MTAP: variants seen among roughly 807,000 people sequenced by gnomAD.
MTAP encodes the protein methylthioadenosine phosphorylase, also known as S-methyl-5'-thioadenosine phosphorylase.
Under a neutral mutation model 33.6 loss-of-function variants are expected in MTAP, and 33 were observed. That is an observed-to-expected ratio of 0.98 (90% CI 0.74 to 1.31). The LOEUF (loss-of-function observed/expected upper bound fraction) is 1.31. MTAP is among the 40% of genes most tolerant of loss of function. The pLI, the probability that MTAP is intolerant of heterozygous loss-of-function variation, is 0.00. For synonymous variants in MTAP, 148 were observed against 125.7 expected (o/e 1.18, Z -1.19); for missense variants, 367 against 360.0 (o/e 1.02, Z -0.16).
chr9:21,837,876 C>T (rs761172988), intron 4 of MTAP, 32 bp from the exon 5 acceptor site: 8 of 1,587,634 alleles, frequency 5.0e-6, no homozygotes, highest in Non-Finnish European at 6.0e-6. Context: ...TAAAATAAAA[C>T]AAACAAAAAC....
intron 1 of MTAP, among the ~76,000 whole-genome samples, chr9:21,896,187 G>A (rs1204603158): frequency 6.6e-6 from 1 of 152,136 alleles, no homozygotes; most frequent in Non-Finnish European, 1.5e-5. Context: ...AAGGAAGGCA[G>A]AAATAAAGAT....
intron 4 of MTAP, among the ~76,000 whole-genome samples, chr9:21,832,350 C>T (rs920809351): frequency 6.6e-6 from 1 of 152,196 alleles, no homozygotes; most frequent in Non-Finnish European, 1.5e-5. Context: ...CATTCTCTTT[C>T]TGCCTCTTGA....
chr9:21,856,280 T>G lies in MTAP; in HGVS notation c.690+1410T>G, dbSNP rs150038066. 7.1e-5 allele frequency: 43 copies of G among 608,644 alleles called. 1 individual carries two copies. The East Asian group carries it at 5.9e-3, about 84-fold the overall frequency. 37.7% of individuals were successfully genotyped at this position (608,644 alleles called of 1,614,324 possible). The stretch of plus-strand genomic sequence containing the variant: ...GTACCACCGTTTTAGAGAGTTTGTT[T>G]TACTATCTAATGTGTACAGTGTTTT... On this transcript the variant is annotated intron_variant, in intron 6 of 7. Coordinates refer to ENST00000644715, the MANE Select transcript of MTAP (RefSeq NM_002451.4).
At chr9:21,808,347 G>A (rs1281120994) in intron 1 of MTAP, among the ~76,000 whole-genome samples, 3 of 152,032 alleles carry the variant, frequency 2.0e-5, no homozygotes, top group Admixed American at 6.5e-5. Context: ...CACTTTGGGA[G>A]GCTGAGGTGG....
intron 1 of MTAP, chr9:21,930,734 G>A: frequency 3.0e-6 from 2 of 676,900 alleles, no homozygotes; most frequent in South Asian, 1.7e-5. Context: ...TGGCAGCACA[G>A]GGAGGAATTT....
chr9:21,821,124 C>G (rs1397336790), intron 4 of MTAP, among the ~76,000 whole-genome samples: 2 of 152,186 alleles, frequency 1.3e-5, no homozygotes, highest in Non-Finnish European at 2.9e-5. Context: ...ACATCTTTCT[C>G]CTGCCTGATT....
intron 1 of MTAP, among the ~76,000 whole-genome samples, chr9:21,926,866 G>C (rs1210008795): frequency 6.6e-6 from 1 of 152,156 alleles, no homozygotes; most frequent in Non-Finnish European, 1.5e-5. Context: ...TGATCCCACA[G>C]AGAACATAAG....
At chr9:21,836,821 C>T (rs1446623686) in intron 4 of MTAP, among the ~76,000 whole-genome samples, 1 of 152,108 alleles carries the variant, frequency 6.6e-6, no homozygotes, top group Non-Finnish European at 1.5e-5. Context: ...CCAGCTAATG[C>T]CACTGTTTAG....
At chr9:21,900,093 G>A (rs560477711) in intron 1 of MTAP, among the ~76,000 whole-genome samples, 1 of 152,178 alleles carries the variant, frequency 6.6e-6, no homozygotes, top group South Asian at 2.1e-4. Flanking sequence ...GAAAACCTAG[G>A]AAATACCATT....
chr9:21,908,008 T>C (rs1287472264), intron 1 of MTAP, among the ~76,000 whole-genome samples: 1 of 152,130 alleles, frequency 6.6e-6, no homozygotes, highest in East Asian at 1.9e-4. Context: ...AGAAAAGCTA[T>C]AGTACAATAT....
chr9:21,924,886 T>C (rs1051427076), intron 1 of MTAP, among the ~76,000 whole-genome samples: 4 of 152,218 alleles, frequency 2.6e-5, no homozygotes, highest in African/African-American at 9.6e-5. Flanking sequence ...TCCTGACAAA[T>C]GCATCAAAGG....
chr9:21,842,824 C>G (rs571453702), intron 5 of MTAP, among the ~76,000 whole-genome samples: 1 of 152,298 alleles, frequency 6.6e-6, no homozygotes, highest in Non-Finnish European at 1.5e-5. Context: ...GTAAATCTCA[C>G]AAGACCTATA....
chr9:21,911,200 C>T (rs1445219365), intron 1 of MTAP, among the ~76,000 whole-genome samples: 1 of 152,172 alleles, frequency 6.6e-6, no homozygotes, highest in African/African-American at 2.4e-5. Context: ...TAACACCCCA[C>T]TATCAACATT....
chr9:21,882,090 G>A (rs956259395), intron 1 of MTAP, among the ~76,000 whole-genome samples: 6 of 151,794 alleles, frequency 4.0e-5, no homozygotes, highest in African/African-American at 1.4e-4. Context: ...TGCAAATGTA[G>A]TACAAAATAA....
chr9:21,826,199 T>C (rs1824794961), intron 4 of MTAP, among the ~76,000 whole-genome samples: 1 of 151,958 alleles, frequency 6.6e-6, no homozygotes, highest in Non-Finnish European at 1.5e-5. Context: ...TTTTTTTTTT[T>C]TTTTAAAGAG....
At chr9:21,873,325 A>G (rs1205198601) in intron 1 of MTAP, among the ~76,000 whole-genome samples, 1 of 152,174 alleles carries the variant, frequency 6.6e-6, no homozygotes, top group African/African-American at 2.4e-5. Flanking sequence ...TTTGCACTTA[A>G]TGAACAGCTG....
At chr9:21,895,508 C>T (rs1289710443) in intron 1 of MTAP, among the ~76,000 whole-genome samples, 1 of 152,144 alleles carries the variant, frequency 6.6e-6, no homozygotes, top group Non-Finnish European at 1.5e-5. Flanking sequence ...AGAGCAGGGC[C>T]GGGCATCACC....
At chr9:21,882,377 T>C (rs916292873) in intron 1 of MTAP, among the ~76,000 whole-genome samples, 1 of 151,996 alleles carries the variant, frequency 6.6e-6, no homozygotes, top group Admixed American at 6.6e-5. Flanking sequence ...ATTCTCAAAA[T>C]TGTAAAACAT....
At chr9:21,861,211 C>T (rs533296410) in intron 7 of MTAP, 29 of 152,152 alleles carry the variant, frequency 1.9e-4, no homozygotes, top group Non-Finnish European at 4.0e-4. Context: ...GTTCTCCTTT[C>T]CTGGAGCTTC....
Sources: gnomAD v4.1 joint callset for allele counts (sites outside exome capture counted in the v4.1 genomes callset) on GRCh38, gnomAD v4.1.1 for gene constraint, MANE v1.5 for transcripts, NCBI Gene and HGNC (gene_info 2026-07-23, HGNC 2026-07-21) for gene names.